Variants in ASMTL observed in about 807,000 individuals in gnomAD.
The protein encoded by ASMTL is acetylserotonin O-methyltransferase like.
A neutral mutation model predicts 60.3 loss-of-function variants in ASMTL; 57 were observed. The ratio of observed to expected loss-of-function variants is 0.95; its 90% CI spans 0.76 to 1.18. The LOEUF (loss-of-function observed/expected upper bound fraction) is 1.18, where lower values mean the gene tolerates loss of function less well. Among genes scored for constraint, ASMTL ranks in the 50% most tolerant of loss-of-function variants. The pLI, the probability that ASMTL is intolerant of heterozygous loss-of-function variation, is 0.00. For synonymous variants in ASMTL, 419 were observed against 373.0 expected, an observed-to-expected ratio of 1.12 and a Z score of -1.42; for missense variants, 981 against 852.6, an observed-to-expected ratio of 1.15 and a Z score of -1.88.
chrX:1,418,370 C>T (rs774892610), intron 10 of ASMTL, among the ~76,000 whole-genome samples: 4 of 151,874 alleles, frequency 2.6e-5, no homozygotes, highest in South Asian at 4.2e-4. Context: ...TCCTTCCTGC[C>T]GTGGGGATGT....
intron 8 of ASMTL, among the ~76,000 whole-genome samples, chrX:1,422,633 T>C (rs776626119): frequency 6.6e-6 from 1 of 152,174 alleles, no homozygotes; most frequent in South Asian, 2.1e-4. Flanking sequence ...TGGAGACCCG[T>C]ATATGGAAAC....
At chrX:1,431,051 CAT>C (rs1306049808) in intron 6 of ASMTL, among the ~76,000 whole-genome samples, 322 of 124,160 alleles carry the variant, frequency 2.6e-3, no homozygotes, top group Admixed American at 6.1e-3. Flanking sequence ...ATATTTAATA[CAT>C]ATTACATATT....
chrX:1,433,905 GC>G (rs1434114659), intron 5 of ASMTL, among the ~76,000 whole-genome samples: 1 of 152,140 alleles, frequency 6.6e-6, no homozygotes, highest in African/African-American at 2.4e-5. Context: ...AGTTCTGTGA[GC>G]CCCTCGAGCA....
intron 11 of ASMTL, among the ~76,000 whole-genome samples, chrX:1,414,318 G>A (rs1320162235): frequency 1.3e-5 from 2 of 152,184 alleles, no homozygotes; most frequent in Non-Finnish European, 2.9e-5. Flanking sequence ...GCTGTGAGTT[G>A]CATGAGGGGA....
chrX:1,425,573 GC>G lies in ASMTL; in HGVS notation c.1011del (p.Arg337SerfsTer90), dbSNP rs779721802. On this transcript the variant is annotated frameshift_variant, in exon 8 of 13. Coordinates refer to ENST00000381317, the MANE Select transcript of ASMTL (RefSeq NM_004192.4). LOFTEE classifies it high-confidence loss of function. Reference protein sequence around the residue: ...KVDASACGMERLLDICAAMGL... With the variant: ...KVDASACGMEXLLDICAAMGL... Reference sequence around the variant, plus strand: ...CCCATGGCAGCACAGATGTCCAGAAGCCTCTCCATTCCACACGCAGAGGCGT... The same window carrying G: ...CCCATGGCAGCACAGATGTCCAGAAGCTCTCCATTCCACACGCAGAGGCGT... 2 of 1,613,688 alleles carry G rather than the reference GC, an allele frequency of 1.2e-6. No individual in the cohort carries two copies. Among genetic ancestry groups the G allele is most frequent in the Non-Finnish European group, 8.5e-7 (1 of 1,179,828 alleles).
Position 1,432,341 on chromosome X carries a change from T to C in ASMTL, c.437A>G (p.Glu146Gly), listed in dbSNP as rs2090818835. 6.2e-7 allele frequency: 1 copy of C among 1,613,062 alleles called. No individual in the cohort carries two copies. Among genetic ancestry groups the C allele is most frequent in the Non-Finnish European group, 8.5e-7 (1 of 1,179,762 alleles). The stretch of plus-strand genomic sequence containing the variant: ...CTCCGAGAACTTCACCTTCGTTTCC[T>C]CGTAGAATTCCGAGACCCTGGTGTC... The part of the protein sequence containing the change: ...QLDTRVSEFY[E>G]ETKVKFSELS... The change falls in exon 6 of 13, where the codon GAG becomes GGG. Residue 146 changes from glutamate to glycine, a missense_variant. Physicochemically the swap from Glu to Gly is moderately conservative, Grantham distance 98. Transcript: ENST00000381317.
At chrX:1,418,262 C>A in intron 10 of ASMTL, 146 bp from the exon 11 acceptor site, 1 of 890,006 alleles carries the variant, frequency 1.1e-6, no homozygotes, top group Non-Finnish European at 1.7e-6. Context: ...GGGGAGCTCG[C>A]TGGTATCCCA....
In ASMTL at chrX:1,425,655, G is replaced by A. The variant is rs774277635; in HGVS notation, c.930C>T (p.Phe310=). 75 of 1,613,616 alleles carry A rather than the reference G, an allele frequency of 4.6e-5. No homozygotes were observed. The highest frequency in any genetic ancestry group is 2.7e-4 in the South Asian group (25 of 91,058). ...GGGGTGCTTCATCTTTTAACAAATCGAACACCTTCAGTTTGCAAGCGGTGA... is the reference window on the plus strand; with the variant it reads ...GGGGTGCTTCATCTTTTAACAAATCAAACACCTTCAGTTTGCAAGCGGTGA... ...GLLTACKLKV[F]DLLKDEAPQK... The change falls in exon 8 of 13, where the codon TTC becomes TTT. Residue 310 remains phenylalanine, a synonymous_variant. Coordinates refer to ENST00000381317, the MANE Select transcript of ASMTL (RefSeq NM_004192.4).
intron 7 of ASMTL, among the ~76,000 whole-genome samples, chrX:1,426,735 C>T (rs73180941): frequency 0.11 from 16,533 of 152,112 alleles, 1,105 homozygotes; most frequent in Admixed American, 0.15. Context: ...CGCCTGTAAT[C>T]AGGAGGCTAC....
At chrX:1,430,418 T>C (rs28520709) in intron 6 of ASMTL, among the ~76,000 whole-genome samples, 16,549 of 152,060 alleles carry the variant, frequency 0.11, 1,124 homozygotes, top group Admixed American at 0.15. Context: ...TCAATTGATG[T>C]AAAATCCTCT....
rs770946647 is a variant in ASMTL at position 1,435,045 on chromosome X, G to A, written c.377C>T (p.Ala126Val). ...ACCTTTGCTGGAGCAGTGGACGATC[G>A]CGACACCTGTGAACACGCTGTGTTC... ...GREHSVFTGVAIVHCSSKDHQ... is the reference protein window; with the variant it reads ...GREHSVFTGVVIVHCSSKDHQ... Residue 126 changes from alanine (A) to valine (V), a missense_variant, in exon 5 of 13, where the codon GCG becomes GTG. Physicochemically the swap from Ala to Val is moderately conservative, Grantham distance 64 (BLOSUM62 0). Transcript: ENST00000381317. 1.4e-5 allele frequency: 23 copies of A among 1,613,802 alleles called. No homozygotes were observed. The highest frequency in any genetic ancestry group is 1.1e-4 in the South Asian group (10 of 91,076).
At chrX:1,407,014 GGGTGAATAGAT>G (rs1387660634) in intron 12 of ASMTL, among the ~76,000 whole-genome samples, 6 of 150,808 alleles carry the variant, frequency 4.0e-5, no homozygotes, top group African/African-American at 1.5e-4. Context: ...TTGGATGGAT[GGGTGAATAGAT>G]GGTAGATGAT....
chrX:1,412,384 C>T (rs1255824222), intron 12 of ASMTL, among the ~76,000 whole-genome samples: 4 of 151,398 alleles, frequency 2.6e-5, no homozygotes, highest in African/African-American at 4.9e-5. Context: ...CGCACTACCA[C>T]ACCTGGCTAA....
Position 1,419,079 on chromosome X carries a change from C to G in ASMTL, c.1281G>C (p.Arg427Ser). 1 of 1,611,310 alleles carries G rather than the reference C, an allele frequency of 6.2e-7. No individual in the cohort carries two copies. The highest frequency in any genetic ancestry group is 8.5e-7 in the Non-Finnish European group (1 of 1,179,534). The change falls in exon 10 of 13, where the codon AGG becomes AGC. Residue 427 changes from arginine to serine, a missense_variant. Arg to Ser is a moderately radical substitution (Grantham distance 110). Transcript: ENST00000381317. ...TCATGCCGTGCATGGCCCGCATGAA[C>G]CTCAGCCGCGTCTCCGGGCTCTGGT... ...AYYQSPETRL[R>S]FMRAMHGMTK...
chrX:1,451,232 C>A (rs1373120880), intron 1 of ASMTL, among the ~76,000 whole-genome samples: 7 of 137,982 alleles, frequency 5.1e-5, no homozygotes, highest in Non-Finnish European at 1.1e-4. Context: ...AGGTCACTCT[C>A]CCCAACCCCA....
chrX:1,433,663 A>G (rs768835124), intron 5 of ASMTL, among the ~76,000 whole-genome samples: 5 of 151,604 alleles, frequency 3.3e-5, no homozygotes, highest in Admixed American at 1.3e-4. Flanking sequence ...CTGGGCGATA[A>G]AGCGAGACTC....
In ASMTL at chrX:1,446,571, T is replaced by C. The variant is rs1471199389; in HGVS notation, c.94-4254A>G. 4.7e-5 allele frequency among the ~76,000 whole-genome samples: 7 copies of C among 148,548 alleles called. No individual in the cohort carries two copies. In the East Asian group the frequency reaches 1.0e-3, roughly 21 times the overall value. On this transcript the variant is annotated intron_variant, in intron 1 of 12. Transcript: ENST00000381317. The stretch of plus-strand genomic sequence containing the variant: ...CTGGAGTGCAGTGGTGCCATCTCGG[T>C]TCACTGCAACCTCTGCCTCCCAGGT...
Position 1,433,501 on chromosome X carries a change from TAAAAA to T in ASMTL, c.401-1129_401-1125del, listed in dbSNP as rs35959333. Among the ~76,000 whole-genome samples the T allele has an allele frequency of 1.3e-4, 13 of 99,140 alleles. No homozygotes were observed. In the South Asian group the frequency reaches 1.9e-3, roughly 14 times the overall value. The allele number at this position is 99,140 out of a possible 152,430, so 65.0% of individuals were successfully genotyped here. On this transcript the variant is annotated intron_variant, in intron 5 of 12. Transcript: ENST00000381317. ...TACCACGGTGAAACCCCGTCTCTACTAAAAAAAAAAAAAAAAAAAAAATAGAAAAA... is the reference window on the plus strand; with the variant it reads ...TACCACGGTGAAACCCCGTCTCTACTAAAAAAAAAAAAAAAAATAGAAAAA...
chrX:1,420,590 C>T (rs1355131572), intron 9 of ASMTL, among the ~76,000 whole-genome samples: 7 of 152,236 alleles, frequency 4.6e-5, no homozygotes, highest in South Asian at 2.1e-4. Context: ...CCCTGCAGAC[C>T]GAGACCCACC....
Sources: gnomAD v4.1 joint callset for allele counts (sites outside exome capture counted in the v4.1 genomes callset) on GRCh38, gnomAD v4.1.1 for gene constraint, MANE v1.5 for transcripts, NCBI Gene and HGNC (gene_info 2026-07-23, HGNC 2026-07-21) for gene names.